Variants in C16orf96 observed in about 807,000 individuals in gnomAD.
C16orf96 encodes uncharacterized protein C16orf96.
C16orf96 carries 108 observed loss-of-function variants against 103.6 expected under a neutral mutation model. The ratio of observed to expected loss-of-function variants is 1.04; its 90% CI spans 0.89 to 1.22. The LOEUF is 1.22. Ranked by LOEUF, C16orf96 falls within the 50% of genes most tolerant of loss-of-function variation. The probability of loss-of-function intolerance (pLI) is 0.00; values close to 1 mark genes in which losing one functional copy is unlikely to be tolerated. For missense variants in C16orf96, 1,586 were observed against 1,464.2 expected (o/e 1.08, Z -1.36); for synonymous variants, 566 against 593.5 (o/e 0.95, Z 0.67).
intron 1 of C16orf96, among the ~76,000 whole-genome samples, chr16:4,567,445 G>A (rs972437477): frequency 2.7e-5 from 4 of 149,288 alleles, no homozygotes; most frequent in African/African-American, 7.5e-5. Flanking sequence ...CACCACGCCC[G>A]GCTAATTTTT....
At chr16:4,596,421 G>T (rs1345882695) in intron 14 of C16orf96, among the ~76,000 whole-genome samples, 1 of 145,208 alleles carries the variant, frequency 6.9e-6, no homozygotes, top group East Asian at 2.1e-4. Context: ...GGAGGCAGAG[G>T]TTGCAGTGAA....
At chr16:4,564,911 T>G (rs1277460611) in intron 1 of C16orf96, among the ~76,000 whole-genome samples, 3 of 152,208 alleles carry the variant, frequency 2.0e-5, no homozygotes, top group African/African-American at 7.2e-5. Flanking sequence ...AGGACCAAGG[T>G]TGCCATGATT....
intron 5 of C16orf96, 150 bp downstream of exon 5, chr16:4,576,785 C>A: frequency 1.2e-6 from 1 of 802,682 alleles, no homozygotes; most frequent in Non-Finnish European, 1.9e-6. Context: ...GCATTTGGCT[C>A]TTAACGAGTC....
At chr16:4,580,312 C>CCG (rs1555506254) in intron 7 of C16orf96, among the ~76,000 whole-genome samples, 187 bp downstream of exon 7, 3 of 119,838 alleles carry the variant, frequency 2.5e-5, no homozygotes, top group Non-Finnish European at 5.4e-5. Context: ...ATCCCACCAC[C>CCG]CCCCCCCACC....
At chr16:4,580,846 T>C (rs1049685650) in intron 7 of C16orf96, among the ~76,000 whole-genome samples, 3 of 151,804 alleles carry the variant, frequency 2.0e-5, no homozygotes, top group Admixed American at 2.0e-4. Flanking sequence ...AAAATTAGGC[T>C]GGGTGCAGAG....
intron 9 of C16orf96, among the ~76,000 whole-genome samples, 168 bp downstream of exon 9, chr16:4,588,499 A>T (rs1421462275): frequency 6.6e-6 from 1 of 152,190 alleles, no homozygotes; most frequent in African/African-American, 2.4e-5. Flanking sequence ...TCAAGATGTC[A>T]TCCAGGGCTG....
At chr16:4,564,231 T>G (rs778584005) in intron 1 of C16orf96, among the ~76,000 whole-genome samples, 11 of 152,052 alleles carry the variant, frequency 7.2e-5, no homozygotes, top group Non-Finnish European at 1.5e-4. Flanking sequence ...CCTTAAAGTG[T>G]TTTTGGCTGG....
At position 4,575,303 on chromosome 16, in the gene C16orf96, C is replaced by T; in HGVS notation, c.823C>T (p.Gln275Ter). Residue 275 changes from glutamine to a stop codon, truncating the protein, a stop_gained, in exon 5 of 16, where the codon CAG becomes TAG. Transcript: ENST00000444310. LOFTEE classifies it high-confidence loss of function. ...GGTCTCCGAGCCCGTCCAAAACCCC[C>T]AGCTACTGCAGACTGTCTGGCATTA... The part of the protein sequence containing the change: ...IQVSEPVQNP[Q>*]LLQTVWHYEV... 1 of 1,551,256 alleles carries T rather than the reference C, an allele frequency of 6.4e-7. No individual in the cohort carries two copies. The highest frequency in any genetic ancestry group is 1.4e-5 in the African/African-American group (1 of 73,184).
At chr16:4,565,995 A>G (rs1825202808) in intron 1 of C16orf96, among the ~76,000 whole-genome samples, 1 of 152,032 alleles carries the variant, frequency 6.6e-6, no homozygotes, top group South Asian at 2.1e-4. Flanking sequence ...GGCGCTTGCC[A>G]CCATGCCTGG....
chr16:4,558,362 T>A (rs2059289970), intron 1 of C16orf96, among the ~76,000 whole-genome samples: 1 of 152,072 alleles, frequency 6.6e-6, no homozygotes, highest in Admixed American at 6.6e-5. Context: ...ACACCTATAA[T>A]CCCAACACTG....
intron 1 of C16orf96, among the ~76,000 whole-genome samples, chr16:4,570,463 C>CTTTTTTTTTTTTTTTTT: frequency 1.1e-5 from 1 of 91,500 alleles, no homozygotes; most frequent in Non-Finnish European, 2.3e-5. Context: ...TCACAACACG[C>CTTTTTTTTTTTTTTTTT]TTTTTTTTTT....
intron 1 of C16orf96, among the ~76,000 whole-genome samples, chr16:4,557,367 G>A (rs1330926630): frequency 2.6e-5 from 4 of 152,050 alleles, no homozygotes; most frequent in Non-Finnish European, 2.9e-5. Context: ...CAACCAAAAC[G>A]CCAAGCTTGC....
intron 5 of C16orf96, among the ~76,000 whole-genome samples, chr16:4,577,236 A>T (rs887551027): frequency 1.3e-5 from 2 of 151,986 alleles, no homozygotes; most frequent in African/African-American, 4.8e-5. Context: ...TAGCCCATAA[A>T]ACAGTATTGT....
intron 1 of C16orf96, among the ~76,000 whole-genome samples, chr16:4,562,069 G>A (rs1295396500): frequency 6.6e-6 from 1 of 152,142 alleles, no homozygotes; most frequent in Non-Finnish European, 1.5e-5. Flanking sequence ...TTGAGGGAAT[G>A]AGATGCATCG....
intron 1 of C16orf96, among the ~76,000 whole-genome samples, chr16:4,565,914 C>G (rs1249461803): frequency 1.3e-5 from 2 of 152,232 alleles, no homozygotes; most frequent in East Asian, 1.9e-4. Flanking sequence ...GCCACCATAG[C>G]TCACTGCAGC....
chr16:4,565,451 A>G (rs1441635503), intron 1 of C16orf96, among the ~76,000 whole-genome samples: 3 of 152,166 alleles, frequency 2.0e-5, no homozygotes, highest in African/African-American at 7.2e-5. Flanking sequence ...TGCATATCAC[A>G]CAGAGGGGGA....
chr16:4,564,707 A>T (rs1316343413), intron 1 of C16orf96, among the ~76,000 whole-genome samples: 1 of 152,142 alleles, frequency 6.6e-6, no homozygotes, highest in Non-Finnish European at 1.5e-5. Context: ...GCCACTCGAG[A>T]GGCTGAGGCA....
At position 4,591,674 on chromosome 16, in the gene C16orf96, C is replaced by T; in HGVS notation, c.2601C>T (p.His867=). The stretch of plus-strand genomic sequence containing the variant: ...CCCTTGGCTGTTGGCAGTTAGTCCA[C>T]AGTGATCTGGATCCCTTGAAGAAAG... ...LSKDVNTKLV[H]SDLDPLKKEM... is the part of the protein sequence containing the mutation. The change falls in exon 10 of 16, where the codon CAC becomes CAT. Residue 867 remains histidine (H), a synonymous_variant. Coordinates refer to ENST00000444310, the MANE Select transcript of C16orf96 (RefSeq NM_001145011.2). 1 of 1,551,244 alleles carries T rather than the reference C, an allele frequency of 6.4e-7. No homozygotes were observed. The highest frequency in any genetic ancestry group is 8.7e-7 in the Non-Finnish European group (1 of 1,146,588).
At chr16:4,572,466 A>AT (rs1034015591) in intron 2 of C16orf96, among the ~76,000 whole-genome samples, 14 of 150,960 alleles carry the variant, frequency 9.3e-5, no homozygotes, top group Non-Finnish European at 1.9e-4. Flanking sequence ...TGCCCGGCTA[A>AT]TTTTTTTTGT....
Sources: allele counts gnomAD v4.1 joint callset (sites outside exome capture counted in the v4.1 genomes callset), GRCh38; gene constraint gnomAD v4.1.1; transcripts MANE v1.5; gene names NCBI Gene and HGNC (gene_info 2026-07-23, HGNC 2026-07-21).